CTNND2: variants seen among roughly 807,000 people sequenced by gnomAD.
CTNND2 encodes the protein catenin delta-2.
A neutral mutation model predicts 144.4 loss-of-function variants in CTNND2; 22 were observed. The ratio of observed to expected loss-of-function variants is 0.15; its 90% CI spans 0.11 to 0.22. The LOEUF (loss-of-function observed/expected upper bound fraction) is 0.22. Among genes scored for constraint, CTNND2 ranks in the 10% least tolerant of loss-of-function variants. The pLI, the probability that CTNND2 is intolerant of heterozygous loss-of-function variation, is 1.00. For synonymous variants in CTNND2, 751 were observed against 695.6 expected (o/e 1.08, Z -1.25); for missense variants, 1,353 against 1,618.8 (o/e 0.84, Z 2.82).
intron 15 of CTNND2, among the ~76,000 whole-genome samples, chr5:11,094,517 G>C (rs1751135503): frequency 7.5e-6 from 1 of 133,470 alleles, no homozygotes; most frequent in African/African-American, 2.8e-5. Flanking sequence ...GTCTCACTCT[G>C]TCACCAGGCT....
chr5:11,903,865 C>G lies in CTNND2; in HGVS notation c.-12G>C, dbSNP rs1408273460. The G allele has an allele frequency of 2.7e-6, 4 of 1,478,240 alleles. No homozygotes were observed. The highest frequency in any genetic ancestry group is 2.7e-6 in the Non-Finnish European group (3 of 1,120,072). The allele number at this position is 1,478,240 out of a possible 1,614,324, so 91.6% of individuals were successfully genotyped here. On this transcript the variant is annotated 5_prime_UTR_variant, in exon 1 of 22. Coordinates refer to ENST00000304623, the MANE Select transcript of CTNND2 (RefSeq NM_001332.4). The surrounding 1 kb of genome is among the most constrained non-coding windows in gnomAD (Gnocchi z 5.4). ...TTCCTCGCAAACATGCACCCTCCGC[C>G]GGCGACAGCTCCTCAGTCCGGGAAG...
intron 2 of CTNND2, among the ~76,000 whole-genome samples, chr5:11,682,778 T>C (rs1784476038): frequency 6.6e-6 from 1 of 152,138 alleles, no homozygotes. Context: ...GGAAACACAA[T>C]GCATAACCAA....
intron 12 of CTNND2, among the ~76,000 whole-genome samples, chr5:11,155,728 C>T (rs1337252636): frequency 6.6e-6 from 1 of 152,070 alleles, no homozygotes; most frequent in Non-Finnish European, 1.5e-5. Flanking sequence ...TTTTTTTCCC[C>T]ACTTCTATCC....
rs113654916 is a variant in CTNND2 at position 11,700,664 on chromosome 5, A to G, written c.174+31472T>C. ...TTGTCTGTACCTATTCACTCACTGA[A>G]GCCTACGGTCAATAGAGCACTAGTT... On this transcript the variant is annotated intron_variant, in intron 2 of 21. Coordinates refer to ENST00000304623, the MANE Select transcript of CTNND2 (RefSeq NM_001332.4). 4.1e-3 allele frequency among the ~76,000 whole-genome samples: 628 copies of G among 152,262 alleles called. 3 individuals are homozygous for G. The highest frequency in any genetic ancestry group is 5.2e-3 in the Non-Finnish European group (355 of 68,026).
chr5:11,325,440 AC>A (rs144389009), intron 9 of CTNND2, among the ~76,000 whole-genome samples: 10,171 of 152,232 alleles, frequency 0.067, 467 homozygotes, highest in African/African-American at 0.13. Flanking sequence ...ATTAAAGCAT[AC>A]AAATTGTGAT....
intron 1 of CTNND2, among the ~76,000 whole-genome samples, chr5:11,739,888 A>G (rs1460166924): frequency 6.6e-6 from 1 of 152,186 alleles, no homozygotes; most frequent in African/African-American, 2.4e-5. Flanking sequence ...AAGCATTCCT[A>G]TACACCAATA....
chr5:11,298,832 C>T (rs1749277932), intron 9 of CTNND2, among the ~76,000 whole-genome samples: 2 of 152,112 alleles, frequency 1.3e-5, no homozygotes. Flanking sequence ...GCCCCAGTTT[C>T]CTTAGATACA....
At chr5:11,829,601 C>T (rs1298878537) in intron 1 of CTNND2, among the ~76,000 whole-genome samples, 1 of 152,218 alleles carries the variant, frequency 6.6e-6, no homozygotes, top group Admixed American at 6.5e-5. Context: ...TGGGAACCTC[C>T]AACTAGACTT....
chr5:11,882,137 T>C (rs1736163930), intron 1 of CTNND2, among the ~76,000 whole-genome samples: 1 of 152,128 alleles, frequency 6.6e-6, no homozygotes, highest in Non-Finnish European at 1.5e-5. Flanking sequence ...GATGGATAGT[T>C]TGCAAATATT....
chr5:11,903,787 C>A lies in CTNND2; in HGVS notation c.37+30G>T, dbSNP rs1274039794. ...GACGGCGCCGGGAGGAGGCTGCGCC[C>A]GGCCCCGGCCGCCCAGCCCCGCAAC... On this transcript the variant is annotated intron_variant, in intron 1 of 21. Coordinates refer to ENST00000304623, the MANE Select transcript of CTNND2 (RefSeq NM_001332.4). This position sits in a 1 kb window ranked among gnomAD's most constrained non-coding sequence, Gnocchi z 5.4. 6.8e-7 allele frequency: 1 copy of A among 1,474,684 alleles called. No individual in the cohort carries two copies. The allele number at this position is 1,474,684 out of a possible 1,614,324, so 91.3% of individuals were successfully genotyped here. A position where few individuals can be genotyped will look rare whatever the true frequency, so the allele number is the denominator to read the frequency against.
chr5:11,204,756 TA>T (rs978484742), intron 10 of CTNND2, among the ~76,000 whole-genome samples: 2 of 152,176 alleles, frequency 1.3e-5, no homozygotes, highest in East Asian at 1.9e-4. Flanking sequence ...GTATAGTGGA[TA>T]AAAAAATACT....
intron 16 of CTNND2, among the ~76,000 whole-genome samples, chr5:11,044,983 G>C (rs1050350626): frequency 2.6e-5 from 4 of 152,212 alleles, no homozygotes; most frequent in African/African-American, 9.7e-5. Context: ...TGCTTCAGTG[G>C]ATTATTACAA....
chr5:11,411,092 T>A (rs1263754083), intron 5 of CTNND2, among the ~76,000 whole-genome samples: 2 of 152,086 alleles, frequency 1.3e-5, no homozygotes, highest in Admixed American at 1.3e-4. Context: ...CAGGCTGGTC[T>A]CAAACTCTTG....
At position 11,903,300 on chromosome 5, in the gene CTNND2, G is replaced by A; in HGVS notation, c.37+517C>T. On this transcript the variant is annotated intron_variant, in intron 1 of 21. Coordinates refer to ENST00000304623, the MANE Select transcript of CTNND2 (RefSeq NM_001332.4). The surrounding 1 kb of genome is among the most constrained non-coding windows in gnomAD (Gnocchi z 5.4). Reference sequence around the variant, plus strand: ...TAAATATAGACCAAGGGGGCTCAGGGTCTGGCAAGCCGCGGGAGCCTGAAG... The same window carrying A: ...TAAATATAGACCAAGGGGGCTCAGGATCTGGCAAGCCGCGGGAGCCTGAAG... 1.0e-6 allele frequency: 1 copy of A among 985,748 alleles called. No homozygotes were observed. The highest frequency in any genetic ancestry group is 1.2e-6 in the Non-Finnish European group (1 of 830,216). The allele number at this position is 985,748 out of a possible 1,614,324, so 61.1% of individuals were successfully genotyped here. A position where few individuals can be genotyped will look rare whatever the true frequency, so the allele number is the denominator to read the frequency against.
intron 9 of CTNND2, among the ~76,000 whole-genome samples, chr5:11,289,460 C>T (rs1748088991): frequency 6.6e-6 from 1 of 152,174 alleles, no homozygotes; most frequent in Non-Finnish European, 1.5e-5. Flanking sequence ...CAGCTGAGCA[C>T]TGGGAAAGTT....
At chr5:11,309,842 C>A (rs976467076) in intron 9 of CTNND2, among the ~76,000 whole-genome samples, 1 of 152,066 alleles carries the variant, frequency 6.6e-6, no homozygotes, top group African/African-American at 2.4e-5. Context: ...GGCAGATTTC[C>A]CCCCTGCTTC....
At chr5:11,696,544 T>C (rs985566521) in intron 2 of CTNND2, among the ~76,000 whole-genome samples, 2 of 152,218 alleles carry the variant, frequency 1.3e-5, no homozygotes, top group Admixed American at 6.5e-5. Context: ...TAATTTTATA[T>C]CTGATCAACA....
At chr5:11,332,303 C>T (rs1753247453) in intron 9 of CTNND2, among the ~76,000 whole-genome samples, 3 of 149,848 alleles carry the variant, frequency 2.0e-5, no homozygotes, top group South Asian at 2.1e-4. Context: ...GGTGGGCTTT[C>T]GAGCTTCCTA....
intron 2 of CTNND2, among the ~76,000 whole-genome samples, chr5:11,659,831 T>C (rs1296597405): frequency 6.6e-6 from 1 of 152,168 alleles, no homozygotes; most frequent in African/African-American, 2.4e-5. Context: ...ATTTATGTCA[T>C]GAGTGTACAT....
Sources: gnomAD v4.1 joint callset for allele counts (sites outside exome capture counted in the v4.1 genomes callset) on GRCh38, gnomAD v4.1.1 for gene constraint, Gnocchi (gnomAD v3.1) non-coding constraint, MANE v1.5 for transcripts, NCBI Gene and HGNC (gene_info 2026-07-23, HGNC 2026-07-21) for gene names.